The following SYCP1 variants were observed in gnomAD, a reference collection of about 807,000 sequenced individuals.
The protein encoded by SYCP1 is synaptonemal complex protein 1.
SYCP1 carries 64 observed loss-of-function variants against 153.1 expected under a neutral mutation model. The ratio of observed to expected loss-of-function variants is 0.42; its 90% CI spans 0.34 to 0.51. SYCP1 has a LOEUF of 0.51. Among genes scored for constraint, SYCP1 ranks in the 20% least tolerant of loss-of-function variants. The probability of loss-of-function intolerance (pLI) is 0.06; values close to 1 mark genes in which losing one functional copy is unlikely to be tolerated. For synonymous variants in SYCP1, 384 were observed against 341.8 expected (o/e 1.12, Z -1.36); for missense variants, 997 against 1,049.0 (o/e 0.95, Z 0.68).
Position 114,994,847 on chromosome 1 carries a change from CAT to C in SYCP1, c.2794-34_2794-33del, listed in dbSNP as rs777548770. 3.2e-6 allele frequency: 5 copies of C among 1,573,834 alleles called. No individual in the cohort carries two copies. In the East Asian group the frequency reaches 9.0e-5, roughly 28 times the overall value. On this transcript the variant is annotated intron_variant, in intron 31 of 31. Coordinates refer to ENST00000369522, the MANE Select transcript of SYCP1 (RefSeq NM_003176.4). ...TAAAAGCTGCACTTAAAAAATTAAACATGTTATGATTTTTAAATTTTATTTTG... is the reference window on the plus strand; with the variant it reads ...TAAAAGCTGCACTTAAAAAATTAAACGTTATGATTTTTAAATTTTATTTTG...
chr1:114,979,978 T>C (rs1238092045), intron 28 of SYCP1, among the ~76,000 whole-genome samples: 4 of 151,830 alleles, frequency 2.6e-5, no homozygotes, highest in African/African-American at 9.7e-5. Flanking sequence ...CCACCATGCT[T>C]TCAAATTTTG....
At chr1:114,972,150 T>C (rs1672528782) in intron 27 of SYCP1, among the ~76,000 whole-genome samples, 1 of 152,190 alleles carries the variant, frequency 6.6e-6, no homozygotes, top group Non-Finnish European at 1.5e-5. Context: ...TCTTTGTAGA[T>C]TGTATGTGGC....
chr1:114,861,890 C>T (rs1664402688), intron 8 of SYCP1, among the ~76,000 whole-genome samples: 1 of 145,224 alleles, frequency 6.9e-6, no homozygotes, highest in South Asian at 2.2e-4. Context: ...ACCGCTGCCT[C>T]CTGGGTTCAG....
At chr1:114,977,013 C>A (rs1672833345) in intron 27 of SYCP1, among the ~76,000 whole-genome samples, 1 of 151,740 alleles carries the variant, frequency 6.6e-6, no homozygotes, top group Admixed American at 6.6e-5. Context: ...GTAGGCCAGG[C>A]TTTTCTTTTA....
chr1:114,871,871 C>T (rs1665160353), intron 8 of SYCP1, among the ~76,000 whole-genome samples: 1 of 152,210 alleles, frequency 6.6e-6, no homozygotes, highest in East Asian at 1.9e-4. Flanking sequence ...CAGGTGTGAG[C>T]CACTGCGCCT....
At chr1:114,980,062 G>A (rs1057052773) in intron 28 of SYCP1, among the ~76,000 whole-genome samples, 1 of 151,714 alleles carries the variant, frequency 6.6e-6, no homozygotes, top group African/African-American at 2.4e-5. Context: ...AGAAGAACAT[G>A]GTCCTGTAAA....
intron 23 of SYCP1, among the ~76,000 whole-genome samples, chr1:114,932,784 C>A (rs1027084477): frequency 2.6e-5 from 4 of 152,218 alleles, no homozygotes; most frequent in African/African-American, 9.6e-5. Context: ...GGTCCCACGC[C>A]CAAGGAGCCT....
intron 17 of SYCP1, among the ~76,000 whole-genome samples, chr1:114,911,229 T>C (rs1407173827): frequency 6.6e-6 from 1 of 152,060 alleles, no homozygotes; most frequent in African/African-American, 2.4e-5. Context: ...AGTGAGAATA[T>C]TTTATAGCAT....
intron 8 of SYCP1, among the ~76,000 whole-genome samples, chr1:114,871,517 A>G (rs1205912937): frequency 6.6e-6 from 1 of 152,024 alleles, no homozygotes; most frequent in Non-Finnish European, 1.5e-5. Flanking sequence ...TCTTTTATAT[A>G]AAGCATAAAT....
At chr1:114,977,820 A>T in intron 28 of SYCP1, 1 of 349,238 alleles carries the variant, frequency 2.9e-6, no homozygotes, top group Non-Finnish European at 5.3e-6. Flanking sequence ...GATTTGGAGA[A>T]GGTTTCAGTC....
At chr1:114,990,972 C>G (rs557033670) in intron 30 of SYCP1, among the ~76,000 whole-genome samples, 1 of 152,034 alleles carries the variant, frequency 6.6e-6, no homozygotes, top group East Asian at 1.9e-4. Flanking sequence ...GCACCTTCCC[C>G]CATACCTTGC....
chr1:114,960,374 G>C (rs1284311806), intron 27 of SYCP1, among the ~76,000 whole-genome samples: 1 of 151,970 alleles, frequency 6.6e-6, no homozygotes, highest in South Asian at 2.1e-4. Context: ...TGCCATGTTG[G>C]CCAGGCTTGT....
At chr1:114,883,453 A>G (rs187049888) in intron 12 of SYCP1, among the ~76,000 whole-genome samples, 1 of 152,214 alleles carries the variant, frequency 6.6e-6, no homozygotes, top group East Asian at 1.9e-4. Flanking sequence ...GAGGTCATGT[A>G]ACTTTATTTG....
intron 23 of SYCP1, among the ~76,000 whole-genome samples, chr1:114,933,080 A>G (rs1669747248): frequency 6.6e-6 from 1 of 152,106 alleles, no homozygotes; most frequent in Admixed American, 6.5e-5. Flanking sequence ...GAGATCTGAG[A>G]ACAGACAGAC....
intron 27 of SYCP1, among the ~76,000 whole-genome samples, chr1:114,975,358 G>T (rs1672742072): frequency 6.6e-6 from 1 of 150,814 alleles, no homozygotes; most frequent in Admixed American, 6.6e-5. Flanking sequence ...GTGTGTGTGT[G>T]TCTTACTTTG....
intron 8 of SYCP1, among the ~76,000 whole-genome samples, chr1:114,865,138 C>T (rs1275386093): frequency 6.6e-6 from 1 of 151,882 alleles, no homozygotes; most frequent in Non-Finnish European, 1.5e-5. Context: ...TTTTAAAGCT[C>T]TACTTTTTAT....
chr1:114,916,714 A>G (rs1401147267), intron 20 of SYCP1, among the ~76,000 whole-genome samples: 6 of 150,770 alleles, frequency 4.0e-5, no homozygotes, highest in Non-Finnish European at 8.9e-5. Context: ...TGGTTTATTT[A>G]TAGCACATAT....
chr1:114,973,205 G>A (rs894489088), intron 27 of SYCP1, among the ~76,000 whole-genome samples: 12 of 152,066 alleles, frequency 7.9e-5, no homozygotes, highest in Non-Finnish European at 1.3e-4. Context: ...CTCTTAGTGA[G>A]TCTCTTTTTG....
chr1:114,885,575 G>A lies in SYCP1; in HGVS notation c.951G>A (p.Gln317=). 6.3e-7 allele frequency: 1 copy of A among 1,583,642 alleles called. No homozygotes were observed. Among genetic ancestry groups the A allele is most frequent in the South Asian group, 1.2e-5 (1 of 86,630 alleles). ...ACTTAAAACAATCAATTGAGAAACA[G>A]CATCATTTGACTAAAGAACTAGAAG... ...SENLKQSIEK[Q]HHLTKELEDI... is the part of the protein sequence containing the mutation. The change falls in exon 13 of 32, where the codon CAG becomes CAA. Residue 317 remains glutamine, a synonymous_variant. Transcript: ENST00000369522.
Sources: gnomAD v4.1 joint callset for allele counts (sites outside exome capture counted in the v4.1 genomes callset) on GRCh38, gnomAD v4.1.1 for gene constraint, MANE v1.5 for transcripts, NCBI Gene and HGNC (gene_info 2026-07-23, HGNC 2026-07-21) for gene names.